The following BICRA variants were observed in gnomAD, a reference collection of about 807,000 sequenced individuals.
The protein encoded by BICRA is BRD4 interacting chromatin remodeling complex associated protein.
In BICRA, 31 loss-of-function variants were observed where a neutral mutation model predicts 96.9. The observed-to-expected ratio is 0.32, with a 90% confidence interval of 0.24 to 0.43. BICRA has a LOEUF of 0.43. BICRA is among the 20% of genes least tolerant of loss of function. The pLI, the probability that BICRA is intolerant of heterozygous loss-of-function variation, is 1.00. For synonymous variants in BICRA, 1,350 were observed against 1,071.8 expected (o/e 1.26, Z -5.07); for missense variants, 2,283 against 2,190.3 (o/e 1.04, Z -0.84).
chr19:47,663,214 C>T (rs1972728840), intron 1 of BICRA: 1 of 152,118 alleles, frequency 6.6e-6, no homozygotes, highest in Admixed American at 6.6e-5. Flanking sequence ...CGTGGTGAAC[C>T]CTGTCTCTAC....
At chr19:47,649,177 G>C (rs1030428693) in intron 1 of BICRA, among the ~76,000 whole-genome samples, 3 of 152,070 alleles carry the variant, frequency 2.0e-5, no homozygotes, top group Non-Finnish European at 2.9e-5. Context: ...AGTAGAAATG[G>C]GGATTCTCCA....
At position 47,699,552 on chromosome 19, in the gene BICRA, A is replaced by G; in HGVS notation, c.3595+147A>G. On this transcript the variant is annotated intron_variant, in intron 14 of 14. Coordinates refer to ENST00000594866, the MANE Select transcript of BICRA (RefSeq NM_001394372.1). This position sits in a 1 kb window ranked among gnomAD's most constrained non-coding sequence, Gnocchi z 5.0. ...GCCCCAGCTCCACCTTCCTGCTGGC[A>G]GCTGTGCCTCCCCTGACCTCCCGCC... 3.2e-6 allele frequency: 2 copies of G among 626,532 alleles called. No individual in the cohort carries two copies. Among genetic ancestry groups the G allele is most frequent in the Admixed American group, 2.5e-5 (1 of 40,196 alleles). The allele number at this position is 626,532 out of a possible 1,614,324, so 38.8% of individuals were successfully genotyped here.
intron 2 of BICRA, among the ~76,000 whole-genome samples, chr19:47,672,077 A>AAG (rs1972873616): frequency 8.1e-6 from 1 of 122,934 alleles, no homozygotes; most frequent in Non-Finnish European, 1.7e-5. Flanking sequence ...GGATGGGTGG[A>AAG]TGGATGGAGG....
intron 1 of BICRA, among the ~76,000 whole-genome samples, chr19:47,664,397 G>T (rs1222799904): frequency 2.0e-5 from 3 of 152,200 alleles, no homozygotes; most frequent in African/African-American, 7.2e-5. Flanking sequence ...TCTGGAGCTG[G>T]TTGTGGTTTT....
At chr19:47,615,311 C>T (rs866085025) in intron 1 of BICRA, among the ~76,000 whole-genome samples, 1 of 152,230 alleles carries the variant, frequency 6.6e-6, no homozygotes, top group Non-Finnish European at 1.5e-5. Context: ...GAAAGTTGTT[C>T]TCTTTCTCTC....
At chr19:47,681,893 T>G in intron 6 of BICRA, 83 bp from the exon 7 acceptor site, 1 of 966,866 alleles carries the variant, frequency 1.0e-6, no homozygotes, top group Non-Finnish European at 1.5e-6. Context: ...CCTGGGAGCG[T>G]CAATAGGGGC....
At chr19:47,685,786 T>TGTGTGTGTGTGTGTGTGTGTGTGCGC in intron 7 of BICRA, among the ~76,000 whole-genome samples, 3 of 117,970 alleles carry the variant, frequency 2.5e-5, no homozygotes, top group African/African-American at 3.6e-5. Flanking sequence ...TGTGTGTGTG[T>TGTGTGTGTGTGTGTGTGTGTGTGCGC]GCGCGCGCGC....
chr19:47,687,479 C>T lies in BICRA; in HGVS notation c.2283+5327C>T, dbSNP rs1281160339. Among the ~76,000 whole-genome samples, 3 of 152,154 alleles carry T rather than the reference C, an allele frequency of 2.0e-5. No homozygotes were observed. In the South Asian group the frequency reaches 6.2e-4, roughly 32 times the overall value. On this transcript the variant is annotated intron_variant, in intron 7 of 14. Coordinates refer to ENST00000594866, the MANE Select transcript of BICRA (RefSeq NM_001394372.1). The stretch of plus-strand genomic sequence containing the variant: ...GGAATACTTCAGGTGGTTTATTTGT[C>T]ATTGTTAACAAACAAAACTCCTATA...
chr19:47,673,861 C>T, intron 4 of BICRA, 99 bp downstream of exon 4: 1 of 1,070,148 alleles, frequency 9.3e-7, no homozygotes, highest in Non-Finnish European at 1.5e-6. Context: ...AGGTAGCCAT[C>T]TGCCTTGTGG....
At chr19:47,682,884 C>G (rs1028245395) in intron 7 of BICRA, among the ~76,000 whole-genome samples, 6 of 152,080 alleles carry the variant, frequency 3.9e-5, no homozygotes, top group African/African-American at 1.2e-4. Context: ...GTTGCCCAGG[C>G]TGGTCTTGAA....
In BICRA at chr19:47,699,612, A is replaced by C. The variant is rs2123614284; in HGVS notation, c.3595+207A>C. On this transcript the variant is annotated intron_variant, in intron 14 of 14. Transcript: ENST00000594866. This position sits in a 1 kb window ranked among gnomAD's most constrained non-coding sequence, Gnocchi z 5.0. The stretch of plus-strand genomic sequence containing the variant: ...AGATAGCCCACATCCATCTTCCTCC[A>C]TCCCTGTGTGGCCCTTCCACCCCCA... 6.6e-6 allele frequency among the ~76,000 whole-genome samples: 1 copy of C among 152,186 alleles called. No individual in the cohort carries two copies. Among genetic ancestry groups the C allele is most frequent in the East Asian group, 1.9e-4 (1 of 5,168 alleles).
intron 1 of BICRA, among the ~76,000 whole-genome samples, chr19:47,644,103 C>A (rs1972422720): frequency 6.6e-6 from 1 of 152,104 alleles, no homozygotes; most frequent in African/African-American, 2.4e-5. Context: ...ACTGCAGCCT[C>A]TACCTGCTGG....
At chr19:47,678,183 T>C (rs1051157822) in intron 5 of BICRA, among the ~76,000 whole-genome samples, 1 of 152,190 alleles carries the variant, frequency 6.6e-6, no homozygotes, top group African/African-American at 2.4e-5. Context: ...TGGTAGGATC[T>C]CAGCTCATTA....
chr19:47,679,200 G>T (rs1172290326), intron 5 of BICRA, 121 bp from the exon 6 acceptor site: 14 of 607,254 alleles, frequency 2.3e-5, no homozygotes, highest in Non-Finnish European at 3.6e-5. Context: ...CATGCCAGGA[G>T]GGAATGTTCT....
At chr19:47,610,266 C>T (rs897241194) in intron 1 of BICRA, among the ~76,000 whole-genome samples, 1 of 152,230 alleles carries the variant, frequency 6.6e-6, no homozygotes, top group African/African-American at 2.4e-5. Flanking sequence ...TCTGCTTCCC[C>T]GACTCCTGTC....
chr19:47,671,925 G>A (rs1192040610), intron 2 of BICRA, among the ~76,000 whole-genome samples: 2 of 130,530 alleles, frequency 1.5e-5, no homozygotes, highest in African/African-American at 2.9e-5. Flanking sequence ...AAGTAGATGG[G>A]TGGAAGGATG....
intron 7 of BICRA, among the ~76,000 whole-genome samples, chr19:47,685,575 T>C (rs2123595093): frequency 6.6e-6 from 1 of 152,278 alleles, no homozygotes; most frequent in African/African-American, 2.4e-5. Flanking sequence ...TCATCCAGAC[T>C]GGGAACCGCT....
chr19:47,652,433 G>C (rs1413022544), intron 1 of BICRA, among the ~76,000 whole-genome samples: 1 of 152,110 alleles, frequency 6.6e-6, no homozygotes, highest in Non-Finnish European at 1.5e-5. Context: ...AAGTGATCCT[G>C]CTCTCTTGGC....
At chr19:47,668,895 G>A (rs1972823109) in intron 1 of BICRA, among the ~76,000 whole-genome samples, 1 of 151,580 alleles carries the variant, frequency 6.6e-6, no homozygotes, top group South Asian at 2.1e-4. Context: ...CGAGGTGGGT[G>A]GATCACTTGA....
Sources: gnomAD v4.1 joint callset for allele counts (sites outside exome capture counted in the v4.1 genomes callset) on GRCh38, gnomAD v4.1.1 for gene constraint, Gnocchi (gnomAD v3.1) non-coding constraint, MANE v1.5 for transcripts, NCBI Gene and HGNC (gene_info 2026-07-23, HGNC 2026-07-21) for gene names.